Variants in RIMS2 observed in about 807,000 individuals in gnomAD.
RIMS2 encodes regulating synaptic membrane exocytosis protein 2.
RIMS2 carries 59 observed loss-of-function variants against 174.4 expected under a neutral mutation model. That is an observed-to-expected ratio of 0.34 (90% CI 0.27 to 0.42). The LOEUF is 0.42. Ranked by LOEUF, RIMS2 falls within the 10% of genes least tolerant of loss-of-function variation. RIMS2 has a pLI of 1.00. For missense variants in RIMS2, 1,620 were observed against 1,666.3 expected, an observed-to-expected ratio of 0.97 and a Z score of 0.48; for synonymous variants, 606 against 572.5, an observed-to-expected ratio of 1.06 and a Z score of -0.84.
intron 1 of RIMS2, among the ~76,000 whole-genome samples, chr8:103,542,524 A>G (rs997921671): frequency 2.0e-5 from 3 of 152,226 alleles, no homozygotes; most frequent in African/African-American, 7.2e-5. Flanking sequence ...AAGCCAGACA[A>G]GGACACTAAG....
At chr8:104,251,371 C>G (rs554265554) in intron 23 of RIMS2, among the ~76,000 whole-genome samples, 1 of 152,166 alleles carries the variant, frequency 6.6e-6, no homozygotes, top group East Asian at 1.9e-4. Context: ...CCCCACCACA[C>G]GTAAATTCCA....
chr8:104,192,678 A>T (rs1171205763), intron 19 of RIMS2, among the ~76,000 whole-genome samples: 1 of 152,210 alleles, frequency 6.6e-6, no homozygotes, highest in Admixed American at 6.5e-5. Flanking sequence ...AATGCTGAAG[A>T]GATCCATGTG....
intron 19 of RIMS2, chr8:104,223,596 C>T: frequency 6.6e-7 from 1 of 1,510,570 alleles, no homozygotes; most frequent in South Asian, 1.2e-5. Context: ...CGCTGCGCCC[C>T]AGCCGCCAAG....
chr8:103,520,778 TATTA>T (rs1037472850), intron 1 of RIMS2, among the ~76,000 whole-genome samples: 4 of 152,260 alleles, frequency 2.6e-5, no homozygotes, highest in East Asian at 3.9e-4. Context: ...CTTAAGTTTA[TATTA>T]ATTCTCTTCT....
intron 1 of RIMS2, among the ~76,000 whole-genome samples, chr8:103,641,580 A>G (rs1737253202): frequency 6.6e-6 from 1 of 152,060 alleles, no homozygotes; most frequent in Non-Finnish European, 1.5e-5. Context: ...TTGCATGTGA[A>G]AACTTGGTCC....
intron 19 of RIMS2, among the ~76,000 whole-genome samples, chr8:104,143,183 T>C (rs1300974292): frequency 1.3e-5 from 2 of 152,228 alleles, no homozygotes; most frequent in African/African-American, 2.4e-5. Flanking sequence ...ATAATAGGTG[T>C]TCAGTAAATC....
intron 1 of RIMS2, among the ~76,000 whole-genome samples, chr8:103,534,589 A>C (rs1052666408): frequency 6.7e-6 from 1 of 149,500 alleles, no homozygotes; most frequent in Non-Finnish European, 1.5e-5. Flanking sequence ...TCTGTGCAAA[A>C]ATATATTACT....
intron 1 of RIMS2, among the ~76,000 whole-genome samples, chr8:103,505,951 C>G (rs879780754): frequency 2.0e-5 from 3 of 151,874 alleles, no homozygotes; most frequent in Non-Finnish European, 4.4e-5. Context: ...TTGTTTATGC[C>G]TTTTTTACTG....
chr8:103,865,443 C>A (rs1283570039), intron 3 of RIMS2, among the ~76,000 whole-genome samples: 1 of 151,860 alleles, frequency 6.6e-6, no homozygotes, highest in Non-Finnish European at 1.5e-5. Context: ...TGCCACCACA[C>A]CCAGCTAATT....
intron 2 of RIMS2, among the ~76,000 whole-genome samples, chr8:103,708,678 A>G (rs991309277): frequency 2.0e-5 from 3 of 152,124 alleles, no homozygotes; most frequent in Non-Finnish European, 4.4e-5. Flanking sequence ...CCATTGAGAA[A>G]TATATCATTC....
chr8:103,572,388 CATTTTACA>C (rs1482875454), intron 1 of RIMS2, among the ~76,000 whole-genome samples: 7,289 of 150,570 alleles, frequency 0.048, 587 homozygotes, highest in African/African-American at 0.17. Flanking sequence ...CTGATTGGTC[CATTTTACA>C]GAGCACTGAT....
chr8:103,704,714 A>G (rs2097204723), intron 2 of RIMS2, among the ~76,000 whole-genome samples: 1 of 152,110 alleles, frequency 6.6e-6, no homozygotes, highest in African/African-American at 2.4e-5. Context: ...GTATGTGTCT[A>G]GAAATGTATC....
At chr8:104,104,720 A>G (rs2098000230) in intron 19 of RIMS2, among the ~76,000 whole-genome samples, 3 of 152,074 alleles carry the variant, frequency 2.0e-5, no homozygotes, top group South Asian at 4.1e-4. Flanking sequence ...AGCCTCTTCA[A>G]AAAATACAAA....
At chr8:103,807,326 A>G (rs1168535283) in intron 3 of RIMS2, among the ~76,000 whole-genome samples, 1 of 152,218 alleles carries the variant, frequency 6.6e-6, no homozygotes, top group Non-Finnish European at 1.5e-5. Flanking sequence ...CAGATAAGTC[A>G]TGGTAAAAAA....
chr8:103,530,147 A>G (rs998242341), intron 1 of RIMS2, among the ~76,000 whole-genome samples: 2 of 152,246 alleles, frequency 1.3e-5, no homozygotes, highest in Non-Finnish European at 2.9e-5. Context: ...TTGGGACAGT[A>G]TAAATGGTTT....
At chr8:104,047,285 A>G (rs1413255662) in intron 19 of RIMS2, among the ~76,000 whole-genome samples, 2 of 152,098 alleles carry the variant, frequency 1.3e-5, no homozygotes, top group African/African-American at 4.8e-5. Flanking sequence ...TATTACTCAT[A>G]CATTCTGAAA....
intron 19 of RIMS2, among the ~76,000 whole-genome samples, chr8:104,107,967 G>GC (rs11322161): frequency 0.097 from 13,632 of 140,820 alleles, 715 homozygotes; most frequent in Middle Eastern, 0.14. Context: ...TCTTTCCCCT[G>GC]CCCCCCCCCC....
rs114277808 is a variant in RIMS2, at chr8:104,167,169, G to C, written c.3335-77747G>C. On this transcript the variant is annotated intron_variant, in intron 19 of 23. Transcript: ENST00000504942. ...GATTGCTGGATCAAATGGTAATTCT[G>C]CTTTTAGTTCTTTAAGTAATCTCCA... Among the ~76,000 whole-genome samples the C allele has an allele frequency of 4.3e-3, 655 of 152,214 alleles. 9 individuals are homozygous for C. The highest frequency in any genetic ancestry group is 0.015 in the African/African-American group (611 of 41,540).
chr8:103,631,716 G>A (rs2095926456), intron 1 of RIMS2, among the ~76,000 whole-genome samples: 1 of 152,126 alleles, frequency 6.6e-6, no homozygotes, highest in African/African-American at 2.4e-5. Flanking sequence ...GATTGCTTTG[G>A]GTAGTATGGG....
Sources: allele counts gnomAD v4.1 joint callset (sites outside exome capture counted in the v4.1 genomes callset), GRCh38; gene constraint gnomAD v4.1.1; transcripts MANE v1.5; gene names NCBI Gene and HGNC (gene_info 2026-07-23, HGNC 2026-07-21).